MSRA: variants seen among roughly 807,000 people sequenced by gnomAD.
MSRA encodes methionine sulfoxide reductase A.
A neutral mutation model predicts 31.3 loss-of-function variants in MSRA; 54 were observed. That is an observed-to-expected ratio of 1.73 (90% CI 1.39 to 2.17). The LOEUF (loss-of-function observed/expected upper bound fraction) is 2.17. Ranked by LOEUF, MSRA falls within the 30% of genes most tolerant of loss-of-function variation. The pLI is 0.00. For missense variants in MSRA, 507 were observed against 300.9 expected, an observed-to-expected ratio of 1.69 and a Z score of -5.07; for synonymous variants, 169 against 116.5, an observed-to-expected ratio of 1.45 and a Z score of -2.90.
At chr8:10,188,659 G>C (rs1184589817) in intron 1 of MSRA, among the ~76,000 whole-genome samples, 1 of 152,142 alleles carries the variant, frequency 6.6e-6, no homozygotes, top group Non-Finnish European at 1.5e-5. Context: ...TTGCTGAAAA[G>C]ACTGTCCTTT....
chr8:10,278,353 G>T (rs1410751261), intron 3 of MSRA, among the ~76,000 whole-genome samples: 1 of 152,234 alleles, frequency 6.6e-6, no homozygotes, highest in Non-Finnish European at 1.5e-5. Context: ...GCCATCACAA[G>T]TAGATCCAGC....
intron 5 of MSRA, among the ~76,000 whole-genome samples, chr8:10,325,555 C>T (rs1432709466): frequency 6.6e-6 from 1 of 152,114 alleles, no homozygotes; most frequent in East Asian, 1.9e-4. Context: ...TTATGAGGCC[C>T]TTTTAAGTTT....
intron 3 of MSRA, 72 bp downstream of exon 3, chr8:10,245,295 G>A: frequency 7.2e-7 from 1 of 1,391,108 alleles, no homozygotes; most frequent in Admixed American, 2.1e-5. Context: ...TGGGTGACAG[G>A]CTCTTTAAAA....
At chr8:10,155,344 G>T (rs1804059063) in intron 1 of MSRA, among the ~76,000 whole-genome samples, 1 of 152,192 alleles carries the variant, frequency 6.6e-6, no homozygotes, top group Non-Finnish European at 1.5e-5. Context: ...TACTGGATTT[G>T]AGTTGAAAGT....
At chr8:10,426,286 G>A (rs1034780637) in intron 5 of MSRA, among the ~76,000 whole-genome samples, 16 of 152,322 alleles carry the variant, frequency 1.1e-4, no homozygotes, top group South Asian at 4.1e-4. Context: ...CTTCCATTCC[G>A]TCAAGCTGGA....
chr8:10,337,837 C>T (rs756153591), intron 5 of MSRA: 26 of 701,976 alleles, frequency 3.7e-5, no homozygotes, highest in South Asian at 1.2e-4. Context: ...AGCAAGGTGC[C>T]TTCTTTCTGC....
chr8:10,401,443 G>C (rs1807457608), intron 5 of MSRA, among the ~76,000 whole-genome samples: 1 of 152,166 alleles, frequency 6.6e-6, no homozygotes, highest in African/African-American at 2.4e-5. Context: ...GGAGAAATTG[G>C]AACCCTTGTG....
At chr8:10,062,194 G>T (rs371005217) in intron 1 of MSRA, among the ~76,000 whole-genome samples, 1 of 152,154 alleles carries the variant, frequency 6.6e-6, no homozygotes, top group South Asian at 2.1e-4. Flanking sequence ...TCAATCATCC[G>T]TTCCTCCTTG....
At chr8:10,407,009 C>T (rs900429355) in intron 5 of MSRA, among the ~76,000 whole-genome samples, 4 of 152,212 alleles carry the variant, frequency 2.6e-5, no homozygotes, top group Non-Finnish European at 5.9e-5. Flanking sequence ...TCCCAAATAG[C>T]TGAGGCCACA....
chr8:10,077,702 T>G (rs923603018), intron 1 of MSRA, among the ~76,000 whole-genome samples: 2 of 152,116 alleles, frequency 1.3e-5, no homozygotes, highest in Admixed American at 1.3e-4. Flanking sequence ...CTCGCTCGCT[T>G]TCTGAGGCTT....
chr8:10,200,093 G>C (rs536580002), intron 1 of MSRA, among the ~76,000 whole-genome samples: 1 of 152,180 alleles, frequency 6.6e-6, no homozygotes, highest in Admixed American at 6.5e-5. Flanking sequence ...GGTTGCCTGG[G>C]GAGGTATGGG....
At chr8:10,398,357 G>C (rs555479415) in intron 5 of MSRA, among the ~76,000 whole-genome samples, 2 of 152,336 alleles carry the variant, frequency 1.3e-5, no homozygotes, top group South Asian at 4.1e-4. Context: ...CTCAGCTTTA[G>C]AGCAGGTCAG....
intron 1 of MSRA, among the ~76,000 whole-genome samples, chr8:10,101,433 A>G (rs1476477231): frequency 6.6e-6 from 1 of 152,206 alleles, no homozygotes; most frequent in Admixed American, 6.5e-5. Flanking sequence ...TATCAGGTAC[A>G]TTCACATTGT....
intron 3 of MSRA, among the ~76,000 whole-genome samples, chr8:10,283,664 T>C (rs1179397016): frequency 6.6e-6 from 1 of 151,368 alleles, no homozygotes; most frequent in Non-Finnish European, 1.5e-5. Context: ...ATAGCTTAGC[T>C]CCCACTTATG....
chr8:10,282,965 C>G (rs1799701981), intron 3 of MSRA, among the ~76,000 whole-genome samples: 1 of 152,038 alleles, frequency 6.6e-6, no homozygotes, highest in South Asian at 2.1e-4. Flanking sequence ...CAGTCCTAAC[C>G]CTTAGAAAAT....
chr8:10,302,723 C>A (rs763928643), intron 4 of MSRA, among the ~76,000 whole-genome samples: 4 of 152,236 alleles, frequency 2.6e-5, no homozygotes, highest in Admixed American at 2.6e-4. Context: ...TCTATCAGGG[C>A]AGATGGCGGC....
chr8:10,341,583 G>A (rs1024747392), intron 5 of MSRA, among the ~76,000 whole-genome samples: 5 of 152,140 alleles, frequency 3.3e-5, no homozygotes, highest in East Asian at 1.9e-4. Flanking sequence ...TTCATACAGC[G>A]CTGGGCTTGG....
Position 10,170,868 on chromosome 8 carries a change from C to T in MSRA, c.143-36965C>T, listed in dbSNP as rs1310846351. On this transcript the variant is annotated intron_variant, in intron 1 of 5. Transcript: ENST00000317173. The stretch of plus-strand genomic sequence containing the variant: ...GCTAAGACATAGATGATCATGTCTT[C>T]TGCGAATAATGATAGCTGATTTCTT... 2.6e-5 allele frequency among the ~76,000 whole-genome samples: 4 copies of T among 152,340 alleles called. No homozygotes were observed. The East Asian group carries it at 5.8e-4, about 22-fold the overall frequency.
chr8:10,100,143 A>G (rs1799436338), intron 1 of MSRA, among the ~76,000 whole-genome samples: 1 of 152,170 alleles, frequency 6.6e-6, no homozygotes, highest in Non-Finnish European at 1.5e-5. Context: ...AATATCAGCA[A>G]CCGCAGGCGT....
Sources: allele counts gnomAD v4.1 joint callset (sites outside exome capture counted in the v4.1 genomes callset), GRCh38; gene constraint gnomAD v4.1.1; transcripts MANE v1.5; gene names NCBI Gene and HGNC (gene_info 2026-07-23, HGNC 2026-07-21).